EXOC4: variants seen among roughly 807,000 people sequenced by gnomAD.
EXOC4 encodes the protein exocyst complex component 4, also known as SEC8-like 1.
A neutral mutation model predicts 107.2 loss-of-function variants in EXOC4; 71 were observed. That is an observed-to-expected ratio of 0.66 (90% CI 0.55 to 0.81). The LOEUF is 0.81. Ranked by LOEUF, EXOC4 falls within the 30% of genes least tolerant of loss-of-function variation. The pLI is 0.00. For synonymous variants in EXOC4, 456 were observed against 441.2 expected (o/e 1.03, Z -0.42); for missense variants, 1,108 against 1,189.6 (o/e 0.93, Z 1.01).
intron 17 of EXOC4, among the ~76,000 whole-genome samples, chr7:134,052,294 G>A (rs1795816462): frequency 6.6e-6 from 1 of 152,138 alleles, no homozygotes; most frequent in South Asian, 2.1e-4. Flanking sequence ...GAGGATGTTT[G>A]AAGCAGACAT....
At position 133,475,445 on chromosome 7, in the gene EXOC4, C is replaced by T; in HGVS notation, c.1300C>T (p.Pro434Ser). Residue 434 changes from proline (P) to serine (S), a missense_variant, in exon 8 of 18, where the codon CCT (proline) becomes TCT (serine). Pro to Ser is a moderately conservative substitution (Grantham distance 74). Coordinates refer to ENST00000253861, the MANE Select transcript of EXOC4 (RefSeq NM_021807.4). ...EFAAFFAKKK[P>S]QRPKNSLFKF... ...TGCAGCCTTTTTTGCCAAGAAGAAACCTCAAAGGCCAAAAAATTCTCTTTT... is the reference window on the plus strand; with the variant it reads ...TGCAGCCTTTTTTGCCAAGAAGAAATCTCAAAGGCCAAAAAATTCTCTTTT... 1 of 1,613,900 alleles carries T rather than the reference C, an allele frequency of 6.2e-7. No homozygotes were observed. The highest frequency in any genetic ancestry group is 2.2e-5 in the East Asian group (1 of 44,870).
intron 10 of EXOC4, chr7:133,771,289 T>G (rs1203997926): frequency 6.6e-6 from 1 of 151,976 alleles, no homozygotes; most frequent in Non-Finnish European, 1.5e-5. Flanking sequence ...TTTGCTGTTG[T>G]ACCTTGCTTT....
intron 7 of EXOC4, among the ~76,000 whole-genome samples, chr7:133,464,600 C>T (rs747441841): frequency 2.0e-5 from 3 of 151,918 alleles, no homozygotes; most frequent in African/African-American, 4.8e-5. Context: ...GGAGTATTTC[C>T]TAAGGACACA....
downstream of EXOC4, among the ~76,000 whole-genome samples, chr7:134,069,534 G>A (rs1258725169): frequency 6.6e-6 from 1 of 151,742 alleles, no homozygotes; most frequent in Admixed American, 6.6e-5. Context: ...GTCTCACTCT[G>A]TTGCCCCGGC....
chr7:133,624,868 C>G (rs1802417032), intron 9 of EXOC4, among the ~76,000 whole-genome samples: 2 of 149,898 alleles, frequency 1.3e-5, no homozygotes, highest in Admixed American at 1.3e-4. Context: ...GCTGGGATTA[C>G]AGGTGTGAGC....
the EXOC4 span, among the ~76,000 whole-genome samples, chr7:134,096,324 T>G: frequency 6.6e-6 from 1 of 152,218 alleles, no homozygotes; most frequent in Non-Finnish European, 1.5e-5. Context: ...ACTTAAAGAC[T>G]TCAGTCAAAG....
intron 10 of EXOC4, among the ~76,000 whole-genome samples, chr7:133,678,212 A>AT (rs1394976868): frequency 1.3e-5 from 2 of 152,180 alleles, no homozygotes; most frequent in Non-Finnish European, 1.5e-5. Context: ...AGCACCATAG[A>AT]TTGACTGCTT....
At chr7:133,905,060 A>G (rs1046670160) in intron 12 of EXOC4, among the ~76,000 whole-genome samples, 13 of 152,224 alleles carry the variant, frequency 8.5e-5, no homozygotes, top group Non-Finnish European at 1.8e-4. Context: ...AAAATGGTAT[A>G]ACACTGGGGA....
chr7:133,405,159 G>T (rs1797188030), intron 7 of EXOC4, among the ~76,000 whole-genome samples: 1 of 152,060 alleles, frequency 6.6e-6, no homozygotes, highest in East Asian at 1.9e-4. Flanking sequence ...AAAATGTTGA[G>T]GTTATGGAAA....
At chr7:133,978,785 A>C (rs1335064053) in intron 14 of EXOC4, among the ~76,000 whole-genome samples, 3 of 152,184 alleles carry the variant, frequency 2.0e-5, no homozygotes, top group Non-Finnish European at 4.4e-5. Context: ...TCTTTCTGCC[A>C]CTGTAAGAAG....
intron 17 of EXOC4, among the ~76,000 whole-genome samples, chr7:134,032,481 C>T (rs1211549302): frequency 6.6e-6 from 1 of 152,200 alleles, no homozygotes; most frequent in African/African-American, 2.4e-5. Context: ...AGCTATTTCC[C>T]CTGCCAGGCT....
intron 9 of EXOC4, among the ~76,000 whole-genome samples, chr7:133,621,533 A>T (rs1395953957): frequency 1.3e-5 from 2 of 152,232 alleles, no homozygotes; most frequent in African/African-American, 4.8e-5. Flanking sequence ...GATACTGCAC[A>T]TACACGTGAC....
At chr7:133,373,149 T>G (rs1454271983) in intron 6 of EXOC4, among the ~76,000 whole-genome samples, 3 of 152,194 alleles carry the variant, frequency 2.0e-5, no homozygotes, top group African/African-American at 7.2e-5. Context: ...CAGATACCAG[T>G]TTTATACCGA....
intron 10 of EXOC4, among the ~76,000 whole-genome samples, chr7:133,710,392 G>T (rs1794861632): frequency 3.3e-5 from 5 of 152,050 alleles, no homozygotes; most frequent in Admixed American, 2.0e-4. Context: ...CGGGCGCGGT[G>T]GCTCACGCCT....
intron 9 of EXOC4, chr7:133,484,077 G>A (rs1216569069): frequency 1.2e-6 from 2 of 1,613,746 alleles, no homozygotes; most frequent in Middle Eastern, 3.3e-4. Context: ...GACAATCAAA[G>A]TAACATTAAA....
At chr7:133,371,864 G>A (rs1398622703) in intron 6 of EXOC4, among the ~76,000 whole-genome samples, 4 of 152,178 alleles carry the variant, frequency 2.6e-5, no homozygotes, top group African/African-American at 9.6e-5. Context: ...CTGTTTGAGA[G>A]TTCCAATTTC....
chr7:133,341,066 A>T (rs530434993), intron 5 of EXOC4, among the ~76,000 whole-genome samples: 46 of 151,694 alleles, frequency 3.0e-4, no homozygotes, highest in Middle Eastern at 3.2e-3. Flanking sequence ...TGTTTTCTGC[A>T]GCTGGGTTTG....
At chr7:133,483,254 C>G (rs1440989253) in intron 9 of EXOC4, among the ~76,000 whole-genome samples, 5 of 152,060 alleles carry the variant, frequency 3.3e-5, no homozygotes, top group African/African-American at 1.2e-4. Flanking sequence ...CAGGAAGGGC[C>G]TGAAAGGAAC....
At chr7:133,855,045 A>ATATCTAAATG (rs1798320712) in intron 11 of EXOC4, among the ~76,000 whole-genome samples, 1 of 56,020 alleles carries the variant, frequency 1.8e-5, no homozygotes, top group African/African-American at 1.3e-4. Context: ...AAATATATAT[A>ATATCTAAATG]TATCTAAATA....
Sources: gnomAD v4.1 joint callset for allele counts (sites outside exome capture counted in the v4.1 genomes callset) on GRCh38, gnomAD v4.1.1 for gene constraint, MANE v1.5 for transcripts, NCBI Gene and HGNC (gene_info 2026-07-23, HGNC 2026-07-21) for gene names.